Variants in HBM observed in about 807,000 individuals in gnomAD.
HBM encodes the protein hemoglobin subunit mu.
A neutral mutation model predicts 12.8 loss-of-function variants in HBM; 9 were observed. The ratio of observed to expected loss-of-function variants is 0.70; its 90% CI spans 0.42 to 1.23. HBM has a LOEUF of 1.23. Among genes scored for constraint, HBM ranks in the 50% most tolerant of loss-of-function variants. The pLI, the probability that HBM is intolerant of heterozygous loss-of-function variation, is 0.00. For synonymous variants in HBM, 100 were observed against 92.0 expected (o/e 1.09, Z -0.50); for missense variants, 214 against 195.4 (o/e 1.10, Z -0.57).
At chr16:166,146 G>A in intron 1 of HBM, 57 bp downstream of exon 1, 1 of 1,492,434 alleles carries the variant, frequency 6.7e-7, no homozygotes. Context: ...GGTTTTGGGC[G>A]CGTGGGCCGC....
rs565889459 is a variant in HBM at position 166,058 on chromosome 16, G to A, written c.61G>A (p.Glu21Lys). The A allele has an allele frequency of 3.1e-6, 5 of 1,603,662 alleles. No individual in the cohort carries two copies. In the African/African-American group the frequency reaches 4.0e-5, roughly 13 times the overall value. ...GGTCTGGGACCTGATTGCGGGCCAC[G>A]AGGCGCAATTCGGGGCGGAGCTGCT... ...AQVWDLIAGH[E>K]AQFGAELLLR... The change falls in exon 1 of 3, where the codon GAG becomes AAG. Residue 21 changes from glutamate to lysine, a missense_variant. Physicochemically the swap from Glu to Lys is moderately conservative, Grantham distance 56. Coordinates refer to ENST00000356815, the MANE Select transcript of HBM (RefSeq NM_001003938.4).
Position 166,746 on chromosome 16 carries a change from TA to T in HBM, c.*41del, listed in dbSNP as rs1359956740. ...GCAGGCCTTGGTCTGTGCCTGTCAA[TA>T]AACAGAGGCCCGAACCATCTGCCCC... On this transcript the variant is annotated 3_prime_UTR_variant, in exon 3 of 3. Coordinates refer to ENST00000356815, the MANE Select transcript of HBM (RefSeq NM_001003938.4). 6.2e-7 allele frequency: 1 copy of T among 1,610,126 alleles called. No homozygotes were observed. The highest frequency in any genetic ancestry group is 8.5e-7 in the Non-Finnish European group (1 of 1,178,046).
chr16:165,986 T>C lies in HBM; in HGVS notation c.-12T>C, dbSNP rs532658893. On this transcript the variant is annotated 5_prime_UTR_variant, in exon 1 of 3. Transcript: ENST00000356815. ...CGGCGGGCGCGGCCCCCAGAGCACG[T>C]CAGGCGGCGCCATGCTCAGCGCCCA... is the stretch of plus-strand genomic sequence containing the variant. 2.6e-6 allele frequency: 4 copies of C among 1,567,274 alleles called. No individual in the cohort carries two copies. The highest frequency in any genetic ancestry group is 3.4e-6 in the Non-Finnish European group (4 of 1,162,542).
chr16:166,196 T>G, intron 1 of HBM, 72 bp from the exon 2 acceptor site: 1 of 1,400,760 alleles, frequency 7.1e-7, no homozygotes. Flanking sequence ...ATCCCCGGGC[T>G]CTGGGCGGTG....
rs778093025 is a variant in HBM at position 166,070 on chromosome 16, G to C, written c.73G>C (p.Gly25Arg). The C allele has an allele frequency of 3.1e-6, 5 of 1,603,354 alleles. No individual in the cohort carries two copies. The highest frequency in any genetic ancestry group is 2.2e-5 in the East Asian group (1 of 44,540). ...GATTGCGGGCCACGAGGCGCAATTCGGGGCGGAGCTGCTGCTCAGGTCGGT... is the reference window on the plus strand; with the variant it reads ...GATTGCGGGCCACGAGGCGCAATTCCGGGCGGAGCTGCTGCTCAGGTCGGT... ...DLIAGHEAQF[G>R]AELLLRLFTV... Residue 25 changes from glycine (G) to arginine (R), a missense_variant, in exon 1 of 3, where the codon GGG (glycine) becomes CGG (arginine). By Grantham distance (125) the Gly-to-Arg change is moderately radical (BLOSUM62 -2). Transcript: ENST00000356815.
At position 166,331 on chromosome 16, in the gene HBM, G is replaced by T. The variant is rs2142014157; in HGVS notation, c.156G>T (p.Ala52=). 2 of 1,595,238 alleles carry T rather than the reference G, an allele frequency of 1.3e-6. No individual in the cohort carries two copies. The highest frequency in any genetic ancestry group is 1.1e-5 in the South Asian group (1 of 90,562). The change falls in exon 2 of 3, where the codon GCG becomes GCT. Residue 52 remains alanine (A), a synonymous_variant. Transcript: ENST00000356815. ...YFPHLSACQD[A]TQLLSHGQRM... Reference sequence around the variant, plus strand: ...CGCACCTGAGCGCCTGCCAGGACGCGACGCAGCTGCTGAGCCACGGGCAGC... The same window carrying T: ...CGCACCTGAGCGCCTGCCAGGACGCTACGCAGCTGCTGAGCCACGGGCAGC...
chr16:166,713 T>C lies in HBM; in HGVS notation c.*5T>C, dbSNP rs749849040. 8 of 1,613,860 alleles carry C rather than the reference T, an allele frequency of 5.0e-6. No individual in the cohort carries two copies. Among genetic ancestry groups the C allele is most frequent in the South Asian group, 1.1e-5 (1 of 90,996 alleles). On this transcript the variant is annotated 3_prime_UTR_variant, in exon 3 of 3. Coordinates refer to ENST00000356815, the MANE Select transcript of HBM (RefSeq NM_001003938.4). ...CTGACCGAAAAATACCGCTGAGCCC[T>C]GTGCTGCGCAGGCCTTGGTCTGTGC... is the stretch of plus-strand genomic sequence containing the variant.
At position 166,487 on chromosome 16, in the gene HBM, G is replaced by A; in HGVS notation, c.297+15G>A. The A allele has an allele frequency of 1.3e-6, 2 of 1,556,280 alleles. No homozygotes were observed. Among genetic ancestry groups the A allele is most frequent in the Non-Finnish European group, 1.7e-6 (2 of 1,153,490 alleles). On this transcript the variant is annotated intron_variant, in intron 2 of 2. Coordinates refer to ENST00000356815, the MANE Select transcript of HBM (RefSeq NM_001003938.4). ...CCAACTTTCCGGTGAGGCCTTTCCG[G>A]CCGGGGCAATGGTGCAGCGCGCAGC...
chr16:166,388 G>GC lies in HBM; in HGVS notation c.214dup (p.His72ProfsTer?). ...TGGCGGCTGTGGGCGCGGCGGTGCA[G>GC]CACGTGGACAACCTGCGCGCCGCGC... On this transcript the variant is annotated frameshift_variant, in exon 2 of 3. Coordinates refer to ENST00000356815, the MANE Select transcript of HBM (RefSeq NM_001003938.4). LOFTEE classifies it high-confidence loss of function. 6.4e-7 allele frequency: 1 copy of GC among 1,572,658 alleles called. No homozygotes were observed. The highest frequency in any genetic ancestry group is 1.7e-4 in the Middle Eastern group (1 of 5,880).
At chr16:166,555 G>T (rs772366255) in intron 2 of HBM, 25 bp from the exon 3 acceptor site, 33 of 1,609,070 alleles carry the variant, frequency 2.1e-5, no homozygotes, top group South Asian at 3.3e-5. Context: ...GGCAGACCCC[G>T]TCTCACCGGC....
intron 2 of HBM, 22 bp downstream of exon 2, chr16:166,494 C>T: frequency 6.6e-7 from 1 of 1,521,148 alleles, no homozygotes; most frequent in Non-Finnish European, 8.9e-7. Context: ...CCGGCCGGGG[C>T]AATGGTGCAG....
chr16:166,089 G>C lies in HBM; in HGVS notation c.92G>C (p.Arg31Thr). 1.9e-6 allele frequency: 3 copies of C among 1,598,728 alleles called. No homozygotes were observed. The highest frequency in any genetic ancestry group is 1.3e-5 in the African/African-American group (1 of 74,790). ...EAQFGAELLLRLFTVYPSTKV... is the reference protein window; with the variant it reads ...EAQFGAELLLTLFTVYPSTKV... Reference sequence around the variant, plus strand: ...CAATTCGGGGCGGAGCTGCTGCTCAGGTCGGTAGAGGCGGGGTCTCCGGGA... The same window carrying C: ...CAATTCGGGGCGGAGCTGCTGCTCACGTCGGTAGAGGCGGGGTCTCCGGGA... Residue 31 changes from arginine to threonine, a missense_variant and splice_region_variant, in exon 1 of 3, where the codon AGG becomes ACG. Physicochemically the swap from Arg to Thr is moderately conservative, Grantham distance 71 (BLOSUM62 -1). Transcript: ENST00000356815.
rs1901918343 is a variant in HBM at position 166,595 on chromosome 16, T to G, written c.313T>G (p.Phe105Val). 1 of 1,613,654 alleles carries G rather than the reference T, an allele frequency of 6.2e-7. No individual in the cohort carries two copies. Residue 105 changes from phenylalanine (F) to valine (V), a missense_variant, in exon 3 of 3, where the codon TTC becomes GTC. Physicochemically the swap from Phe to Val is conservative, Grantham distance 50. Coordinates refer to ENST00000356815, the MANE Select transcript of HBM (RefSeq NM_001003938.4). ...TCTCCTGCAGCTGCTAATCCAGTGT[T>G]TCCACGTCGTGCTGGCCTCCCACCT... ...PANFPLLIQC[F>V]HVVLASHLQD...
intron 1 of HBM, 50 bp from the exon 2 acceptor site, chr16:166,218 G>T: frequency 6.6e-7 from 1 of 1,506,518 alleles, no homozygotes; most frequent in Non-Finnish European, 9.0e-7. Context: ...GGGCGCTAGT[G>T]AAGCCCCACG....
intron 2 of HBM, 22 bp downstream of exon 2, chr16:166,494 C>A: frequency 6.6e-7 from 1 of 1,521,140 alleles, no homozygotes; most frequent in Non-Finnish European, 8.9e-7. Context: ...CCGGCCGGGG[C>A]AATGGTGCAG....
rs377417430 is a variant in HBM, at chr16:166,089, G to A, written c.92G>A (p.Arg31Lys). 8 of 1,598,610 alleles carry A rather than the reference G, an allele frequency of 5.0e-6. No homozygotes were observed. Among genetic ancestry groups the A allele is most frequent in the Non-Finnish European group, 6.8e-6 (8 of 1,172,028 alleles). The change falls in exon 1 of 3, where the codon AGG becomes AAG. Residue 31 changes from arginine (R) to lysine (K), a missense_variant and splice_region_variant. By Grantham distance (26) the Arg-to-Lys change is conservative. Coordinates refer to ENST00000356815, the MANE Select transcript of HBM (RefSeq NM_001003938.4). ...CAATTCGGGGCGGAGCTGCTGCTCA[G>A]GTCGGTAGAGGCGGGGTCTCCGGGA... ...EAQFGAELLL[R>K]LFTVYPSTKV...
In HBM at chr16:166,482, T is replaced by C. The variant is rs373124053; in HGVS notation, c.297+10T>C. 8 of 1,554,280 alleles carry C rather than the reference T, an allele frequency of 5.1e-6. No individual in the cohort carries two copies. The East Asian group carries it at 7.2e-5, about 14-fold the overall frequency. ...CCCAGCCAACTTTCCGGTGAGGCCTTTCCGGCCGGGGCAATGGTGCAGCGC... is the reference window on the plus strand; with the variant it reads ...CCCAGCCAACTTTCCGGTGAGGCCTCTCCGGCCGGGGCAATGGTGCAGCGC... On this transcript the variant is annotated intron_variant, in intron 2 of 2. Coordinates refer to ENST00000356815, the MANE Select transcript of HBM (RefSeq NM_001003938.4).
Position 166,433 on chromosome 16 carries a change from G to C in HBM, c.258G>C (p.Leu86=). Residue 86 remains leucine (L), a synonymous_variant, in exon 2 of 3, where the codon CTG becomes CTC. Transcript: ENST00000356815. ...LRAALSPLAD[L]HALVLRVDPA... is the part of the protein sequence containing the mutation. ...CCGCGCTGAGCCCGCTGGCGGACCT[G>C]CACGCGCTCGTGCTGCGCGTGGACC... is the stretch of plus-strand genomic sequence containing the variant. 6.5e-7 allele frequency: 1 copy of C among 1,548,842 alleles called. No homozygotes were observed. Among genetic ancestry groups the C allele is most frequent in the African/African-American group, 1.4e-5 (1 of 73,830 alleles).
In HBM at chr16:166,741, G is replaced by T. The variant is rs757353911; in HGVS notation, c.*33G>T. On this transcript the variant is annotated 3_prime_UTR_variant, in exon 3 of 3. Transcript: ENST00000356815. ...GCTGCGCAGGCCTTGGTCTGTGCCTGTCAATAAACAGAGGCCCGAACCATC... is the reference window on the plus strand; with the variant it reads ...GCTGCGCAGGCCTTGGTCTGTGCCTTTCAATAAACAGAGGCCCGAACCATC... The T allele has an allele frequency of 3.1e-6, 5 of 1,611,360 alleles. No individual in the cohort carries two copies. In the South Asian group the frequency reaches 3.3e-5, roughly 11 times the overall value.
Sources: gnomAD v4.1 joint callset for allele counts on GRCh38, gnomAD v4.1.1 for gene constraint, MANE v1.5 for transcripts, NCBI Gene and HGNC (gene_info 2026-07-23, HGNC 2026-07-21) for gene names.